LARGE1: variants seen among roughly 807,000 people sequenced by gnomAD.
The protein encoded by LARGE1 is xylosyl- and glucuronyltransferase LARGE1.
A neutral mutation model predicts 87.6 loss-of-function variants in LARGE1; 43 were observed. The observed-to-expected ratio is 0.49, with a 90% CI of 0.38 to 0.63. The LOEUF (loss-of-function observed/expected upper bound fraction) is 0.63, where lower values mean the gene tolerates loss of function less well. LARGE1 is among the 30% of genes least tolerant of loss of function. The pLI is 0.00. For missense variants in LARGE1, 802 were observed against 1,000.2 expected (o/e 0.80, Z 2.67); for synonymous variants, 434 against 394.6 (o/e 1.10, Z -1.18).
At chr22:33,373,666 TA>T (rs2064894675) in intron 9 of LARGE1, among the ~76,000 whole-genome samples, 1 of 152,100 alleles carries the variant, frequency 6.6e-6, no homozygotes, top group African/African-American at 2.4e-5. Flanking sequence ...CTAACTCTGC[TA>T]TTATGGCTTG....
At chr22:33,829,262 G>A (rs182644400) in intron 1 of LARGE1, among the ~76,000 whole-genome samples, 7 of 152,106 alleles carry the variant, frequency 4.6e-5, no homozygotes, top group South Asian at 2.1e-4. Context: ...GCCCACCTCA[G>A]TCTCCCAAAG....
At chr22:33,114,644 G>A in the LARGE1 span, among the ~76,000 whole-genome samples, 1 of 152,140 alleles carries the variant, frequency 6.6e-6, no homozygotes, top group African/African-American at 2.4e-5. Flanking sequence ...GTGTTTCTAT[G>A]CCAGGTTCAC....
At chr22:33,359,019 A>T (rs2064283823) in intron 9 of LARGE1, among the ~76,000 whole-genome samples, 1 of 151,764 alleles carries the variant, frequency 6.6e-6, no homozygotes, top group South Asian at 2.1e-4. Flanking sequence ...AAAAAATTCA[A>T]ATGTCCTTTC....
intron 1 of LARGE1, among the ~76,000 whole-genome samples, chr22:33,776,870 C>G (rs1367934173): frequency 1.3e-5 from 2 of 152,268 alleles, no homozygotes; most frequent in East Asian, 3.9e-4. Flanking sequence ...CTTTGCCATT[C>G]ACTACAGTCC....
At chr22:33,708,693 C>T (rs12157363) in intron 2 of LARGE1, among the ~76,000 whole-genome samples, 3,784 of 152,226 alleles carry the variant, frequency 0.025, 158 homozygotes, top group African/African-American at 0.084. Context: ...CTCTGCCTCC[C>T]GCGTTCAAGC....
intron 7 of LARGE1, among the ~76,000 whole-genome samples, chr22:33,397,844 C>T (rs1468003335): frequency 6.6e-6 from 1 of 152,192 alleles, no homozygotes; most frequent in Non-Finnish European, 1.5e-5. Context: ...GTTAGGTCTA[C>T]ACTTTGTATA....
At chr22:33,112,464 C>T in the LARGE1 span, among the ~76,000 whole-genome samples, 2 of 152,156 alleles carry the variant, frequency 1.3e-5, no homozygotes, top group Admixed American at 6.5e-5. Flanking sequence ...AAGATGGAAG[C>T]GACTATTACC....
intron 6 of LARGE1, among the ~76,000 whole-genome samples, chr22:33,557,114 T>C (rs182072045): frequency 5.3e-5 from 8 of 152,300 alleles, no homozygotes; most frequent in Admixed American, 3.3e-4. Context: ...ATAAACCCTA[T>C]GGGGCGGTTA....
intron 1 of LARGE1, among the ~76,000 whole-genome samples, chr22:33,799,507 C>A (rs2086091854): frequency 6.6e-6 from 1 of 152,062 alleles, no homozygotes; most frequent in Admixed American, 6.5e-5. Context: ...GTGGTGCAAT[C>A]TTGGCTCACC....
chr22:33,579,892 C>A (rs2078463773), intron 5 of LARGE1, among the ~76,000 whole-genome samples: 1 of 152,174 alleles, frequency 6.6e-6, no homozygotes, highest in African/African-American at 2.4e-5. Flanking sequence ...AGCTCTGTAA[C>A]TTTATTTTCT....
At chr22:33,082,938 T>C in the LARGE1 span, among the ~76,000 whole-genome samples, 7 of 152,234 alleles carry the variant, frequency 4.6e-5, no homozygotes, top group Non-Finnish European at 1.0e-4. Flanking sequence ...GGCAGGAGAA[T>C]GGTGTGAACC....
intron 2 of LARGE1, among the ~76,000 whole-genome samples, chr22:33,749,750 C>T (rs2084241783): frequency 2.0e-5 from 3 of 152,158 alleles, no homozygotes; most frequent in Non-Finnish European, 4.4e-5. Context: ...TCCTGCTAGC[C>T]ACAGAAGTTC....
intron 2 of LARGE1, among the ~76,000 whole-genome samples, chr22:33,653,796 T>C (rs1271315161): frequency 2.0e-5 from 3 of 152,060 alleles, no homozygotes; most frequent in Non-Finnish European, 4.4e-5. Context: ...TTCTGTGTGT[T>C]GTATGGGGGA....
At position 33,195,463 on chromosome 22, in the gene LARGE1, G is replaced by T. The variant is rs753781655; in HGVS notation, c.1731-28631C>A. Among the ~76,000 whole-genome samples, 100 of 152,036 alleles carry T rather than the reference G, an allele frequency of 6.6e-4. 1 individual carries two copies. The highest frequency in any genetic ancestry group is 1.3e-3 in the Non-Finnish European group (85 of 67,966). On this transcript the variant is annotated intron_variant, in intron 11 of 11. Coordinates refer to the LARGE1 transcript ENST00000608642. ...ATAAGTTTTATTAAATTAAAAGATT[G>T]AAATTACCCAGAATACTTATCCGAC...
At chr22:33,790,360 A>T (rs1401263602) in intron 1 of LARGE1, among the ~76,000 whole-genome samples, 1 of 152,190 alleles carries the variant, frequency 6.6e-6, no homozygotes, top group Non-Finnish European at 1.5e-5. Flanking sequence ...GCGTGAGAAC[A>T]TGCTAATACA....
intron 2 of LARGE1, among the ~76,000 whole-genome samples, chr22:33,664,120 G>A (rs1036019101): frequency 4.6e-5 from 7 of 152,138 alleles, no homozygotes; most frequent in Non-Finnish European, 8.8e-5. Flanking sequence ...TTCAGGGCAG[G>A]AGCCAGGCTG....
intron 6 of LARGE1, among the ~76,000 whole-genome samples, chr22:33,450,148 G>C (rs62225299): frequency 0.046 from 7,048 of 151,984 alleles, 220 homozygotes; most frequent in South Asian, 0.11. Context: ...CTGATCTCAA[G>C]TGATCCATCC....
At chr22:33,689,440 C>T (rs925162215) in intron 2 of LARGE1, among the ~76,000 whole-genome samples, 3 of 151,852 alleles carry the variant, frequency 2.0e-5, no homozygotes, top group Non-Finnish European at 2.9e-5. Flanking sequence ...CAGAGGTGAC[C>T]GAAGGCAAAA....
chr22:33,701,679 A>T (rs1293583794), intron 2 of LARGE1, among the ~76,000 whole-genome samples: 2 of 152,228 alleles, frequency 1.3e-5, no homozygotes, highest in East Asian at 3.8e-4. Context: ...AGCAAAAGTG[A>T]TTGTAAGTGG....
Sources: gnomAD v4.1 joint callset for allele counts (sites outside exome capture counted in the v4.1 genomes callset) on GRCh38, gnomAD v4.1.1 for gene constraint, MANE v1.5 for transcripts, NCBI Gene and HGNC (gene_info 2026-07-23, HGNC 2026-07-21) for gene names.